AGBL4: variants seen among roughly 807,000 people sequenced by gnomAD.
AGBL4 encodes the protein cytosolic carboxypeptidase 6.
A neutral mutation model predicts 66.4 loss-of-function variants in AGBL4; 58 were observed. The ratio of observed to expected loss-of-function variants is 0.87; its 90% CI spans 0.71 to 1.09. AGBL4 has a LOEUF of 1.09. Ranked by LOEUF, AGBL4 falls within the 50% of genes least tolerant of loss-of-function variation. The pLI, the probability that AGBL4 is intolerant of heterozygous loss-of-function variation, is 0.00. For synonymous variants in AGBL4, 234 were observed against 222.9 expected (o/e 1.05, Z -0.44); for missense variants, 579 against 631.0 (o/e 0.92, Z 0.88).
At chr1:49,282,527 C>G (rs1428866433) in intron 3 of AGBL4, among the ~76,000 whole-genome samples, 1 of 152,152 alleles carries the variant, frequency 6.6e-6, no homozygotes, top group African/African-American at 2.4e-5. Flanking sequence ...CCCAAGATGG[C>G]CGAATAGGAA....
intron 4 of AGBL4, among the ~76,000 whole-genome samples, chr1:49,228,984 C>T (rs903685495): frequency 4.6e-5 from 7 of 152,128 alleles, no homozygotes; most frequent in Admixed American, 1.3e-4. Flanking sequence ...CTCAGCATGC[C>T]GTATTACAGC....
intron 9 of AGBL4, among the ~76,000 whole-genome samples, chr1:48,594,278 C>T (rs779122730): frequency 6.6e-6 from 1 of 152,068 alleles, no homozygotes; most frequent in African/African-American, 2.4e-5. Context: ...GAGCTGAGAT[C>T]GCACCATTGC....
chr1:49,749,032 T>G (rs1403005772), intron 2 of AGBL4, among the ~76,000 whole-genome samples: 1 of 152,224 alleles, frequency 6.6e-6, no homozygotes, highest in African/African-American at 2.4e-5. Flanking sequence ...TTTATCAATT[T>G]TGGCTTTTGT....
At chr1:49,328,361 A>G (rs1334856358) in intron 3 of AGBL4, among the ~76,000 whole-genome samples, 1 of 152,216 alleles carries the variant, frequency 6.6e-6, no homozygotes, top group Non-Finnish European at 1.5e-5. Flanking sequence ...ATGAAGAAAC[A>G]TGGAATCTAG....
At chr1:49,028,217 G>A (rs1663889423) in intron 5 of AGBL4, among the ~76,000 whole-genome samples, 1 of 152,110 alleles carries the variant, frequency 6.6e-6, no homozygotes, top group Non-Finnish European at 1.5e-5. Flanking sequence ...AATTAGGGAG[G>A]AAAGATAGCT....
intron 1 of AGBL4, among the ~76,000 whole-genome samples, chr1:49,863,782 T>C (rs888939199): frequency 1.3e-5 from 2 of 152,116 alleles, no homozygotes; most frequent in African/African-American, 4.8e-5. Context: ...CAATAACAAA[T>C]GCTGGTAAGG....
intron 6 of AGBL4, among the ~76,000 whole-genome samples, chr1:48,704,188 A>G (rs569039375): frequency 6.6e-6 from 1 of 152,354 alleles, no homozygotes; most frequent in East Asian, 1.9e-4. Flanking sequence ...GTTTAAACAG[A>G]AAAGGTACGG....
intron 3 of AGBL4, among the ~76,000 whole-genome samples, chr1:49,293,610 T>C (rs1644586072): frequency 6.6e-6 from 1 of 152,252 alleles, no homozygotes; most frequent in Admixed American, 6.5e-5. Flanking sequence ...CAGTTGTTAA[T>C]GTCTCTTTGA....
chr1:49,637,866 C>T (rs1420601882), intron 3 of AGBL4, among the ~76,000 whole-genome samples: 3 of 151,922 alleles, frequency 2.0e-5, no homozygotes, highest in Non-Finnish European at 4.4e-5. Flanking sequence ...TGGTTAACAC[C>T]AGTAATACAT....
intron 1 of AGBL4, among the ~76,000 whole-genome samples, chr1:49,891,675 C>T (rs1648665432): frequency 6.6e-6 from 1 of 152,148 alleles, no homozygotes; most frequent in South Asian, 2.1e-4. Flanking sequence ...GGCTAATGAA[C>T]TTGCAATCCA....
At chr1:49,465,253 A>G (rs1449359860) in intron 3 of AGBL4, among the ~76,000 whole-genome samples, 1 of 150,698 alleles carries the variant, frequency 6.6e-6, no homozygotes, top group Non-Finnish European at 1.5e-5. Flanking sequence ...ACACACACAC[A>G]CACACACACG....
At chr1:49,209,353 G>C (rs1241592746) in intron 4 of AGBL4, among the ~76,000 whole-genome samples, 1 of 151,956 alleles carries the variant, frequency 6.6e-6, no homozygotes, top group East Asian at 1.9e-4. Flanking sequence ...CCCAATTCTT[G>C]TCACTCTCTG....
intron 5 of AGBL4, among the ~76,000 whole-genome samples, chr1:48,883,041 T>C (rs997854612): frequency 1.3e-4 from 20 of 152,240 alleles, no homozygotes; most frequent in African/African-American, 4.1e-4. Flanking sequence ...GTTGATTACA[T>C]ATCTCAGCTA....
At chr1:49,370,323 C>A (rs1445290875) in intron 3 of AGBL4, among the ~76,000 whole-genome samples, 1 of 151,832 alleles carries the variant, frequency 6.6e-6, no homozygotes, top group Non-Finnish European at 1.5e-5. Context: ...GGACTACAAA[C>A]TCAGGCAGGA....
intron 3 of AGBL4, among the ~76,000 whole-genome samples, chr1:49,563,261 C>G (rs1192173099): frequency 6.6e-6 from 1 of 151,918 alleles, no homozygotes; most frequent in Non-Finnish European, 1.5e-5. Context: ...CAAAGAGGGA[C>G]AATTTGACTT....
At chr1:48,603,178 A>T (rs1405418418) in intron 9 of AGBL4, among the ~76,000 whole-genome samples, 1 of 152,190 alleles carries the variant, frequency 6.6e-6, no homozygotes, top group African/African-American at 2.4e-5. Flanking sequence ...CATTGAGGGA[A>T]CAATACATTG....
chr1:49,485,390 A>C (rs897479220), intron 3 of AGBL4, among the ~76,000 whole-genome samples: 2 of 141,928 alleles, frequency 1.4e-5, no homozygotes, highest in African/African-American at 5.2e-5. Context: ...TCTCACTCAT[A>C]GGTGGGAATT....
rs536569731 is a variant in AGBL4 at position 49,824,203 on chromosome 1, C to T, written c.157+27193G>A. ...AGCCTGGGCAACAAGAGCAAAACTC[C>T]GTCTCAAAAACAAAACAAAACAGAA... On this transcript the variant is annotated intron_variant, in intron 2 of 13. Transcript: ENST00000371839. Among the ~76,000 whole-genome samples the T allele has an allele frequency of 2.9e-3, 435 of 152,038 alleles. 1 individual carries two copies. Among genetic ancestry groups the T allele is most frequent in the African/African-American group, 9.9e-3 (411 of 41,478 alleles).
At chr1:48,763,310 C>T (rs571273613) in intron 6 of AGBL4, among the ~76,000 whole-genome samples, 118 of 152,126 alleles carry the variant, frequency 7.8e-4, no homozygotes, top group Non-Finnish European at 1.2e-3. Flanking sequence ...TAAAACACAT[C>T]CAATGGGTTA....
Sources: gnomAD v4.1 joint callset for allele counts (sites outside exome capture counted in the v4.1 genomes callset) on GRCh38, gnomAD v4.1.1 for gene constraint, MANE v1.5 for transcripts, NCBI Gene and HGNC (gene_info 2026-07-23, HGNC 2026-07-21) for gene names.